Variants in ALDH1L1 observed in about 807,000 individuals in gnomAD.
ALDH1L1 encodes the protein aldehyde dehydrogenase 1 family member L1, also known as cytosolic 10-formyltetrahydrofolate dehydrogenase.
ALDH1L1 carries 68 observed loss-of-function variants against 101.1 expected under a neutral mutation model. The observed-to-expected ratio is 0.67, with a 90% CI of 0.55 to 0.82. ALDH1L1 has a LOEUF of 0.82. ALDH1L1 is among the 40% of genes least tolerant of loss of function. ALDH1L1 has a pLI of 0.00. For synonymous variants in ALDH1L1, 486 were observed against 470.8 expected (o/e 1.03, Z -0.42); for missense variants, 1,087 against 1,172.7 (o/e 0.93, Z 1.07).
Position 126,130,244 on chromosome 3 carries a change from A to T in ALDH1L1, c.1673T>A (p.Leu558Ter). ...NQARPNRNLT[L>*]TRKEPVGVCG... is the part of the protein sequence containing the mutation. ...TCACCCAACAGGCTCCTTCCTGGTC[A>T]AGGTCAGGTTGCGGTTGGGTCTGGC... Residue 558 changes from leucine to a stop codon, truncating the protein, a stop_gained, in exon 14 of 23, where the codon TTG becomes TAG. Coordinates refer to ENST00000393434, the MANE Select transcript of ALDH1L1 (RefSeq NM_012190.4). LOFTEE classifies it high-confidence loss of function. The T allele has an allele frequency of 6.2e-7, 1 of 1,609,996 alleles. No individual in the cohort carries two copies. Among genetic ancestry groups the T allele is most frequent in the South Asian group, 1.1e-5 (1 of 90,256 alleles).
At chr3:126,184,259 C>G (rs1189953622), upstream of ALDH1L1, among the ~76,000 whole-genome samples, 1 of 152,210 alleles carries the variant, frequency 6.6e-6, no homozygotes, top group Non-Finnish European at 1.5e-5. Flanking sequence ...CGGGAATGCC[C>G]TGCTTCTTGA....
chr3:126,192,529 G>A (rs968881725), intron 1 of ALDH1L1, among the ~76,000 whole-genome samples: 4 of 152,298 alleles, frequency 2.6e-5, no homozygotes, highest in African/African-American at 4.8e-5. Context: ...AACAGATCTC[G>A]TTCAGGAGGT....
Position 126,196,017 on chromosome 3 carries a change from C to T in ALDH1L1, c.-24+1718G>A, listed in dbSNP as rs184516013. Among the ~76,000 whole-genome samples, 826 of 151,990 alleles carry T rather than the reference C, an allele frequency of 5.4e-3. 6 individuals carry two copies. The highest frequency in any genetic ancestry group is 0.018 in the African/African-American group (747 of 41,438). On this transcript the variant is annotated intron_variant, in intron 1 of 2. Coordinates refer to the ALDH1L1 transcript ENST00000509952. ...TAGGAGATATACCTAATGTAAATGA[C>T]GAGTTAATGGGTGCAGCACACCAAC...
At chr3:126,170,452 T>TAGA (rs2081251994) in intron 1 of ALDH1L1, among the ~76,000 whole-genome samples, 2 of 149,556 alleles carry the variant, frequency 1.3e-5, no homozygotes, top group Non-Finnish European at 3.0e-5. Flanking sequence ...AAGTTACTTC[T>TAGA]GTCTCAACCA....
chr3:126,178,048 A>C (rs927444182), intron 1 of ALDH1L1, among the ~76,000 whole-genome samples: 9 of 151,204 alleles, frequency 6.0e-5, no homozygotes, highest in Non-Finnish European at 1.2e-4. Flanking sequence ...TTCAAAAAGA[A>C]AAAAGCTGTA....
At chr3:126,130,643 C>A (rs951436266) in intron 13 of ALDH1L1, among the ~76,000 whole-genome samples, 3 of 152,248 alleles carry the variant, frequency 2.0e-5, no homozygotes, top group African/African-American at 7.2e-5. Context: ...GGGGGTCCAG[C>A]TGCAGCCAGA....
intron 9 of ALDH1L1, among the ~76,000 whole-genome samples, chr3:126,143,310 G>A (rs2080604722): frequency 6.6e-6 from 1 of 152,166 alleles, no homozygotes; most frequent in African/African-American, 2.4e-5. Context: ...TAACACCAGT[G>A]GCTACTAAGT....
At chr3:126,107,444 C>T (rs2276726) in intron 20 of ALDH1L1, among the ~76,000 whole-genome samples, 198 bp from the exon 21 acceptor site, 1 of 152,138 alleles carries the variant, frequency 6.6e-6, no homozygotes, top group Non-Finnish European at 1.5e-5. Context: ...GTGGGTCTCA[C>T]CGTGCTTTTA....
At chr3:126,184,126 G>A (rs1478614236), upstream of ALDH1L1, among the ~76,000 whole-genome samples, 1 of 152,202 alleles carries the variant, frequency 6.6e-6, no homozygotes, top group African/African-American at 2.4e-5. Flanking sequence ...ATAGACCAGA[G>A]AGAGAAGCTG....
upstream of ALDH1L1, among the ~76,000 whole-genome samples, chr3:126,183,929 G>A (rs1439099590): frequency 6.6e-6 from 1 of 152,226 alleles, no homozygotes; most frequent in Non-Finnish European, 1.5e-5. Flanking sequence ...TATTTTGCAT[G>A]TGGAAGGATG....
chr3:126,106,360 G>T (rs569038810), intron 21 of ALDH1L1, among the ~76,000 whole-genome samples: 19 of 152,330 alleles, frequency 1.2e-4, no homozygotes, highest in South Asian at 8.3e-4. Flanking sequence ...AATTTCTGGG[G>T]TTTTTTTGGT....
At chr3:126,122,894 G>A (rs2080106030) in intron 16 of ALDH1L1, among the ~76,000 whole-genome samples, 1 of 152,066 alleles carries the variant, frequency 6.6e-6, no homozygotes, top group African/African-American at 2.4e-5. Flanking sequence ...TAGTACAGCA[G>A]GAGAAACAGA....
chr3:126,120,780 GTAA>G (rs1177488754), intron 16 of ALDH1L1, among the ~76,000 whole-genome samples: 1 of 152,042 alleles, frequency 6.6e-6, no homozygotes, highest in Non-Finnish European at 1.5e-5. Context: ...CTATTTACTA[GTAA>G]TAATAATAAT....
intron 12 of ALDH1L1, 110 bp from the exon 13 acceptor site, chr3:126,131,644 T>C: frequency 7.8e-7 from 1 of 1,285,506 alleles, no homozygotes; most frequent in African/African-American, 1.5e-5. Flanking sequence ...ACCCCAGTTC[T>C]GCCACTCTCA....
In ALDH1L1 at chr3:126,110,068, G is replaced by T. The variant is rs1559914549; in HGVS notation, c.2223C>A (p.Asp741Glu). Residue 741 changes from aspartate to glutamate, a missense_variant, in exon 20 of 23, where the codon GAC (aspartate) becomes GAA (glutamate). Asp to Glu is a conservative substitution (Grantham distance 45). Coordinates refer to ENST00000393434, the MANE Select transcript of ALDH1L1 (RefSeq NM_012190.4). The part of the protein sequence containing the change: ...VRKMKVGNPL[D>E]RDTDHGPQNH... ...TCTGCGGCCCGTGGTCGGTGTCCCT[G>T]TCCAGCGGGTTGCCCACCTTCATCT... 1 of 1,614,216 alleles carries T rather than the reference G, an allele frequency of 6.2e-7. No individual in the cohort carries two copies. Among genetic ancestry groups the T allele is most frequent in the South Asian group, 1.1e-5 (1 of 91,086 alleles).
chr3:126,155,459 G>C lies in ALDH1L1; in HGVS notation c.573C>G (p.Leu191=), dbSNP rs972575076. Residue 191 remains leucine (L), a synonymous_variant, in exon 5 of 23, where the codon CTC becomes CTG. Transcript: ENST00000393434. ...RLIAEGKAPR[L]PQPEEGATYE... is the part of the protein sequence containing the mutation. The stretch of plus-strand genomic sequence containing the variant: ...AGGTGGCTCCTTCCTCAGGCTGAGG[G>C]AGTCTGGGGGCTTTGCCCTCAGCGA... The C allele has an allele frequency of 1.9e-5, 30 of 1,613,322 alleles. No individual in the cohort carries two copies. The highest frequency in any genetic ancestry group is 2.5e-5 in the Non-Finnish European group (29 of 1,179,750).
At chr3:126,178,380 CAA>C (rs56979863) in intron 1 of ALDH1L1, among the ~76,000 whole-genome samples, 25,096 of 72,658 alleles carry the variant, frequency 0.35, 1,939 homozygotes, top group African/African-American at 0.41. Flanking sequence ...GACCCTGTCT[CAA>C]AAAAAAAAAA....
intron 18 of ALDH1L1, among the ~76,000 whole-genome samples, chr3:126,113,491 G>A (rs1241521211): frequency 6.6e-6 from 1 of 152,270 alleles, no homozygotes; most frequent in East Asian, 1.9e-4. Flanking sequence ...ACCCAGGGGA[G>A]GACGGAGAGC....
intron 1 of ALDH1L1, chr3:126,180,227 G>T: frequency 5.9e-6 from 1 of 170,022 alleles, no homozygotes. Context: ...TCCTCGGCGG[G>T]CCAGTCCTGG....
Sources: gnomAD v4.1 joint callset for allele counts (sites outside exome capture counted in the v4.1 genomes callset) on GRCh38, gnomAD v4.1.1 for gene constraint, MANE v1.5 for transcripts, NCBI Gene and HGNC (gene_info 2026-07-23, HGNC 2026-07-21) for gene names.